The following EPAS1 variants were observed in gnomAD, a reference collection of about 807,000 sequenced individuals.
The protein encoded by EPAS1 is endothelial PAS domain protein 1, also known as endothelial PAS domain-containing protein 1.
In EPAS1, 23 loss-of-function variants were observed where a neutral mutation model predicts 87.9. That is an observed-to-expected ratio of 0.26 (90% confidence interval 0.19 to 0.37). EPAS1 has a LOEUF of 0.37. EPAS1 is among the 10% of genes least tolerant of loss of function. The pLI is 1.00. For missense variants in EPAS1, 1,138 were observed against 1,120.7 expected (o/e 1.02, Z -0.22); for synonymous variants, 508 against 444.3 (o/e 1.14, Z -1.80).
rs1372271508 is a variant in EPAS1, at chr2:46,327,039, C to T, written c.27-19834C>T. On this transcript the variant is annotated intron_variant, in intron 1 of 15. Transcript: ENST00000263734. ...TATGTCAGTAGATAATGGTTTACTG[C>T]CCATAAACATTGGTCTCAGCTTCAG... Among the ~76,000 whole-genome samples the T allele has an allele frequency of 2.6e-5, 4 of 152,280 alleles. No homozygotes were observed. In the East Asian group the frequency reaches 7.7e-4, roughly 29 times the overall value.
At position 46,380,806 on chromosome 2, in the gene EPAS1, C is replaced by T. The variant is rs1034291483; in HGVS notation, c.2045+89C>T. The T allele has an allele frequency of 6.3e-7, 1 of 1,592,116 alleles. No homozygotes were observed. Among genetic ancestry groups the T allele is most frequent in the Non-Finnish European group, 8.5e-7 (1 of 1,175,810 alleles). On this transcript the variant is annotated intron_variant, in intron 12 of 15. Coordinates refer to ENST00000263734, the MANE Select transcript of EPAS1 (RefSeq NM_001430.5). This position sits in a 1 kb window ranked among gnomAD's most constrained non-coding sequence, Gnocchi z 4.4. Reference sequence around the variant, plus strand: ...GCTGGACCCCCAGGGAGGCCCCTGCCCCTCTCCCCAGCCATCTGATACCCC... The same window carrying T: ...GCTGGACCCCCAGGGAGGCCCCTGCTCCTCTCCCCAGCCATCTGATACCCC...
rs1352553903 is a variant in EPAS1 at position 46,297,771 on chromosome 2, C to A, written c.-141C>A. ...CCGCGCGCCACCTTCCACCTGACTG[C>A]GCGGGGCGCTCGGGACCTGCGCGCA... On this transcript the variant is annotated 5_prime_UTR_variant, in exon 1 of 16. Coordinates refer to ENST00000263734, the MANE Select transcript of EPAS1 (RefSeq NM_001430.5). The A allele has an allele frequency of 4.3e-6, 5 of 1,174,436 alleles. No homozygotes were observed. Among genetic ancestry groups the A allele is most frequent in the Non-Finnish European group, 6.1e-6 (5 of 818,812 alleles). The allele number at this position is 1,174,436 out of a possible 1,614,324, so 72.8% of individuals were successfully genotyped here. A position where few individuals can be genotyped will look rare whatever the true frequency, so the allele number is the denominator to read the frequency against.
At chr2:46,305,971 T>C (rs1056473132) in intron 1 of EPAS1, among the ~76,000 whole-genome samples, 1 of 152,154 alleles carries the variant, frequency 6.6e-6, no homozygotes, top group African/African-American at 2.4e-5. Flanking sequence ...GGGTTGAGTG[T>C]TTTGGTCTCA....
At position 46,310,804 on chromosome 2, in the gene EPAS1, C is replaced by T. The variant is rs373517944; in HGVS notation, c.26+12867C>T. ...AGTCACTTTAGCTCATTCTGTCCAC[C>T]GGTACTTTGAGGGAGGCTATATAAC... On this transcript the variant is annotated intron_variant, in intron 1 of 15. Coordinates refer to ENST00000263734, the MANE Select transcript of EPAS1 (RefSeq NM_001430.5). Among the ~76,000 whole-genome samples the T allele has an allele frequency of 2.0e-4, 30 of 152,344 alleles. No individual in the cohort carries two copies. In the East Asian group the frequency reaches 3.3e-3, roughly 17 times the overall value.
chr2:46,341,382 G>T (rs972714567), intron 1 of EPAS1, among the ~76,000 whole-genome samples: 8 of 152,298 alleles, frequency 5.3e-5, no homozygotes, highest in Middle Eastern at 3.4e-3. Flanking sequence ...TTCTTATGTG[G>T]CTCTGAAGTT....
At position 46,386,523 on chromosome 2, in the gene EPAS1, T is replaced by C. The variant is rs1347055984; in HGVS notation, c.*1863T>C. 1 of 152,664 alleles carries C rather than the reference T, an allele frequency of 6.6e-6. No homozygotes were observed. The highest frequency in any genetic ancestry group is 2.4e-5 in the African/African-American group (1 of 41,468). The allele number at this position is 152,664 out of a possible 1,614,324, so 9.5% of individuals were successfully genotyped here. The stretch of plus-strand genomic sequence containing the variant: ...GGGCATTTTACCCTTGCAGTTTTAC[T>C]AAAACACTGAAAAATATTCCAAGCT... On this transcript the variant is annotated 3_prime_UTR_variant, in exon 16 of 16. Coordinates refer to ENST00000263734, the MANE Select transcript of EPAS1 (RefSeq NM_001430.5).
At chr2:46,332,910 A>T (rs995539290) in intron 1 of EPAS1, among the ~76,000 whole-genome samples, 2 of 152,194 alleles carry the variant, frequency 1.3e-5, no homozygotes, top group Non-Finnish European at 2.9e-5. Context: ...TGGCCTCTTA[A>T]GGATGGGACG....
intron 1 of EPAS1, among the ~76,000 whole-genome samples, chr2:46,341,437 AGCATAAAGTT>A (rs972423967): frequency 1.3e-5 from 2 of 152,224 alleles, no homozygotes; most frequent in African/African-American, 2.4e-5. Flanking sequence ...GCCACCTACC[AGCATAAAGTT>A]ATAGGCTTCT....
Position 46,360,729 on chromosome 2 carries a change from T to G in EPAS1, c.546T>G (p.Thr182=), listed in dbSNP as rs910486677. 1 of 1,614,074 alleles carries G rather than the reference T, an allele frequency of 6.2e-7. No homozygotes were observed. Among genetic ancestry groups the G allele is most frequent in the African/African-American group, 1.3e-5 (1 of 75,050 alleles). ...MKCTVTNRGR[T]VNLKSATWKV... Reference sequence around the variant, plus strand: ...GCACGGTCACCAACAGAGGCCGTACTGTCAACCTCAAGTCAGCCACCTGGA... The same window carrying G: ...GCACGGTCACCAACAGAGGCCGTACGGTCAACCTCAAGTCAGCCACCTGGA... Residue 182 remains threonine, a synonymous_variant, in exon 5 of 16, where the codon ACT becomes ACG. Coordinates refer to ENST00000263734, the MANE Select transcript of EPAS1 (RefSeq NM_001430.5). This position sits in a 1 kb window ranked among gnomAD's most constrained non-coding sequence, Gnocchi z 4.5.
chr2:46,315,222 C>T (rs534921319), intron 1 of EPAS1, among the ~76,000 whole-genome samples: 5 of 152,248 alleles, frequency 3.3e-5, no homozygotes, highest in Non-Finnish European at 5.9e-5. Context: ...GCAGGCAACC[C>T]GGAGGAACTG....
In EPAS1 at chr2:46,356,814, C is replaced by G. The variant is rs1684280296; in HGVS notation, c.454+6C>G. ...GAACCTGAGTCTCAAAAATGGTATC[C>G]TTAATTGTGTTTACTTCCTTCTTGC... On this transcript the variant is annotated splice_donor_region_variant and intron_variant, in intron 4 of 15. Transcript: ENST00000263734. 1 of 1,607,142 alleles carries G rather than the reference C, an allele frequency of 6.2e-7. No homozygotes were observed. The highest frequency in any genetic ancestry group is 8.5e-7 in the Non-Finnish European group (1 of 1,173,778).
At chr2:46,379,324 C>T (rs1332212189) in intron 11 of EPAS1, among the ~76,000 whole-genome samples, 1 of 152,140 alleles carries the variant, frequency 6.6e-6, no homozygotes, top group Non-Finnish European at 1.5e-5. Flanking sequence ...TACAAAACCC[C>T]AGGGAAAACC....
chr2:46,308,504 T>A (rs995267390), intron 1 of EPAS1, among the ~76,000 whole-genome samples: 8 of 119,246 alleles, frequency 6.7e-5, no homozygotes, highest in African/African-American at 2.7e-4. Flanking sequence ...TTAAAAAAAA[T>A]AATAGAATTG....
At chr2:46,361,423 A>G (rs1306016733) in intron 6 of EPAS1, among the ~76,000 whole-genome samples, 1 of 152,194 alleles carries the variant, frequency 6.6e-6, no homozygotes, top group Non-Finnish European at 1.5e-5. Context: ...CCCAGGAGAA[A>G]GAGTCTAGAG....
intron 1 of EPAS1, among the ~76,000 whole-genome samples, chr2:46,328,898 C>T (rs1683616044): frequency 6.6e-6 from 1 of 152,234 alleles, no homozygotes; most frequent in African/African-American, 2.4e-5. Flanking sequence ...ACCCTTGTCT[C>T]ATTCCCTGTT....
intron 13 of EPAS1, 27 bp from the exon 14 acceptor site, chr2:46,381,948 C>G: frequency 6.2e-7 from 1 of 1,601,892 alleles, no homozygotes; most frequent in Non-Finnish European, 8.5e-7. Flanking sequence ...GCCATTTCCC[C>G]TTTCCATCTG....
chr2:46,299,875 T>A (rs1682962012), intron 1 of EPAS1, among the ~76,000 whole-genome samples: 1 of 152,180 alleles, frequency 6.6e-6, no homozygotes, highest in Non-Finnish European at 1.5e-5. Context: ...GTAATTAGAC[T>A]CCCAATTATT....
intron 2 of EPAS1, among the ~76,000 whole-genome samples, chr2:46,351,344 T>C (rs1248419318): frequency 6.6e-6 from 1 of 152,174 alleles, no homozygotes; most frequent in Non-Finnish European, 1.5e-5. Context: ...GTAAGATACA[T>C]GCAAAGAACA....
At position 46,386,519 on chromosome 2, in the gene EPAS1, T is replaced by C. The variant is rs1015898897; in HGVS notation, c.*1859T>C. The C allele has an allele frequency of 6.5e-6, 1 of 152,680 alleles. No homozygotes were observed. Among genetic ancestry groups the C allele is most frequent in the Non-Finnish European group, 1.5e-5 (1 of 68,054 alleles). 9.5% of individuals were successfully genotyped at this position (152,680 alleles called of 1,614,324 possible). The stretch of plus-strand genomic sequence containing the variant: ...TTAAGGGCATTTTACCCTTGCAGTT[T>C]TACTAAAACACTGAAAAATATTCCA... On this transcript the variant is annotated 3_prime_UTR_variant, in exon 16 of 16. Coordinates refer to ENST00000263734, the MANE Select transcript of EPAS1 (RefSeq NM_001430.5).
Sources: gnomAD v4.1 joint callset for allele counts (sites outside exome capture counted in the v4.1 genomes callset) on GRCh38, gnomAD v4.1.1 for gene constraint, Gnocchi (gnomAD v3.1) non-coding constraint, MANE v1.5 for transcripts, NCBI Gene and HGNC (gene_info 2026-07-23, HGNC 2026-07-21) for gene names.